The following DNAH10 variants were observed in gnomAD, a reference collection of about 807,000 sequenced individuals.
The protein encoded by DNAH10 is axonemal beta dynein heavy chain 10.
In DNAH10, 348 loss-of-function variants were observed where a neutral mutation model predicts 506.6. The observed-to-expected ratio is 0.69, with a 90% CI of 0.63 to 0.75. The LOEUF (loss-of-function observed/expected upper bound fraction) is 0.75, where lower values mean the gene tolerates loss of function less well. Ranked by LOEUF, DNAH10 falls within the 30% of genes least tolerant of loss-of-function variation. DNAH10 has a pLI of 0.00. For synonymous variants in DNAH10, 2,059 were observed against 2,198.6 expected (o/e 0.94, Z 1.78); for missense variants, 5,179 against 5,787.1 (o/e 0.89, Z 3.41).
At chr12:123,894,260 A>AT (rs974597201) in intron 53 of DNAH10, among the ~76,000 whole-genome samples, 15 of 146,242 alleles carry the variant, frequency 1.0e-4, no homozygotes, top group East Asian at 4.0e-4. Context: ...TGCCTGGCTG[A>AT]TTTTTTTTTT....
rs749608918 is a variant in DNAH10 at position 123,853,172 on chromosome 12, CT to C, written c.6292-25del. 2.0e-4 allele frequency: 290 copies of C among 1,482,882 alleles called. No homozygotes were observed. The highest frequency in any genetic ancestry group is 7.6e-4 in the South Asian group (56 of 73,624). The allele number at this position is 1,482,882 out of a possible 1,614,324, so 91.9% of individuals were successfully genotyped here. On this transcript the variant is annotated intron_variant, in intron 35 of 78. Coordinates refer to ENST00000673944, the MANE Select transcript of DNAH10 (RefSeq NM_001372106.1). This position sits in a 1 kb window ranked among gnomAD's most constrained non-coding sequence, Gnocchi z 4.7. ...TTGCTTTTGAATCATTTTCTTTTTT[CT>C]TTTTTTTTGTATTATTATCTTCTAT...
chr12:123,841,484 A>G lies in DNAH10; in HGVS notation c.5299A>G (p.Arg1767Gly), dbSNP rs748875680. ...GATGACGGCAGTTTTGAATGAGATGAGAAGAACTAATAGACTAATTACCAA... is the reference window on the plus strand; with the variant it reads ...GATGACGGCAGTTTTGAATGAGATGGGAAGAACTAATAGACTAATTACCAA... ...DWMTAVLNEM[R>G]RTNRLITKEA... Residue 1767 changes from arginine (R) to glycine (G), a missense_variant, in exon 30 of 79, where the codon AGA (arginine) becomes GGA (glycine). This residue lies in a region of DNAH10 where 4,844 missense variants were observed against 5,430.5 expected (regional missense o/e 0.89). Coordinates refer to ENST00000673944, the MANE Select transcript of DNAH10 (RefSeq NM_001372106.1). 5 of 1,613,854 alleles carry G rather than the reference A, an allele frequency of 3.1e-6. No individual in the cohort carries two copies. The African/African-American group carries it at 6.7e-5, about 22-fold the overall frequency.
chr12:123,878,793 G>A (rs1952372844), intron 48 of DNAH10, among the ~76,000 whole-genome samples: 1 of 152,188 alleles, frequency 6.6e-6, no homozygotes, highest in South Asian at 2.1e-4. Flanking sequence ...CAGCCACTTG[G>A]GAGGCTGAGG....
At position 123,845,951 on chromosome 12, in the gene DNAH10, C is replaced by T; in HGVS notation, c.5631-20C>T. The T allele has an allele frequency of 6.2e-7, 1 of 1,613,394 alleles. No individual in the cohort carries two copies. Among genetic ancestry groups the T allele is most frequent in the Non-Finnish European group, 8.5e-7 (1 of 1,179,416 alleles). ...TCTGTCTCAACGGTTTCCACTTCCT[C>T]CACCTTTCTTGCCGTCCAGTATCCT... On this transcript the variant is annotated intron_variant, in intron 31 of 78. Transcript: ENST00000673944.
In DNAH10 at chr12:123,873,592, C is replaced by T. The variant is rs372531069; in HGVS notation, c.7820C>T (p.Thr2607Met). The change falls in exon 46 of 79, where the codon ACG (threonine) becomes ATG (methionine). Residue 2607 changes from threonine (T) to methionine (M), a missense_variant. Physicochemically the swap from Thr to Met is moderately conservative, Grantham distance 81. Coordinates refer to ENST00000673944, the MANE Select transcript of DNAH10 (RefSeq NM_001372106.1). ...VLMVNFSSRT[T>M]SMDIQRNLEA... ...ATGGTCAACTTCTCCTCCCGCACCA[C>T]GTCCATGGATATCCAAAGAAATTTA... The T allele has an allele frequency of 1.2e-5, 20 of 1,613,434 alleles. No homozygotes were observed. The highest frequency in any genetic ancestry group is 5.0e-5 in the Admixed American group (3 of 59,914).
intron 2 of DNAH10, among the ~76,000 whole-genome samples, chr12:123,771,206 G>T (rs1287864061): frequency 2.6e-5 from 4 of 152,136 alleles, no homozygotes; most frequent in Non-Finnish European, 4.4e-5. Flanking sequence ...CTGACATCAA[G>T]TGATCCACCC....
At chr12:123,934,821 A>C in intron 78 of DNAH10, 55 bp downstream of exon 78, 1 of 1,605,176 alleles carries the variant, frequency 6.2e-7, no homozygotes, top group Non-Finnish European at 8.5e-7. Context: ...TTCTGACTGT[A>C]GTTATGGCTG....
rs1682413212 is a variant in DNAH10 at position 123,879,765 on chromosome 12, C to T, written c.8598C>T (p.Asp2866=). 1 of 1,614,036 alleles carries T rather than the reference C, an allele frequency of 6.2e-7. No homozygotes were observed. The highest frequency in any genetic ancestry group is 1.3e-5 in the African/African-American group (1 of 75,052). ...LHEGEPRIYE[D]IQDYEAAKAL... ...AAGGAGAACCACGCATTTATGAAGA[C>T]ATCCAGGACTACGAGGCGGCCAAGG... The change falls in exon 50 of 79, where the codon GAC becomes GAT. Residue 2866 remains aspartate, a synonymous_variant. Transcript: ENST00000673944.
chr12:123,868,500 T>A (rs564980377), intron 43 of DNAH10, among the ~76,000 whole-genome samples: 1 of 152,344 alleles, frequency 6.6e-6, no homozygotes, highest in Middle Eastern at 3.4e-3. Flanking sequence ...TTTCACCATA[T>A]CATTCATCTG....
At chr12:123,817,358 C>G (rs1959169421) in intron 21 of DNAH10, among the ~76,000 whole-genome samples, 1 of 151,974 alleles carries the variant, frequency 6.6e-6, no homozygotes, top group East Asian at 1.9e-4. Context: ...CTACAATACC[C>G]TGTACATCTT....
intron 44 of DNAH10, 46 bp from the exon 45 acceptor site, chr12:123,871,411 C>A: frequency 2.6e-6 from 4 of 1,566,682 alleles, no homozygotes; most frequent in Non-Finnish European, 3.5e-6. Flanking sequence ...CAGTGCTCAC[C>A]CTATTGGAGT....
chr12:123,872,466 G>A (rs371817841), intron 45 of DNAH10, among the ~76,000 whole-genome samples: 4 of 152,138 alleles, frequency 2.6e-5, no homozygotes, highest in African/African-American at 9.7e-5. Context: ...GTGCTCATCA[G>A]CCCAGCCAGG....
intron 11 of DNAH10, 25 bp downstream of exon 11, chr12:123,790,146 A>G (rs1481656934): frequency 1.2e-6 from 2 of 1,605,060 alleles, no homozygotes; most frequent in Non-Finnish European, 1.7e-6. Flanking sequence ...CATTGAGTCC[A>G]TCTTGGGAGT....
At chr12:123,826,550 T>C in intron 24 of DNAH10, 137 bp from the exon 25 acceptor site, 1 of 672,188 alleles carries the variant, frequency 1.5e-6, no homozygotes, top group Non-Finnish European at 2.3e-6. Flanking sequence ...ACCTCTTGTT[T>C]GTGAATTTCA....
chr12:123,843,327 A>G (rs1950834793), intron 30 of DNAH10, among the ~76,000 whole-genome samples: 1 of 151,944 alleles, frequency 6.6e-6, no homozygotes, highest in Admixed American at 6.6e-5. Flanking sequence ...TGGTCATTTA[A>G]TCTTCTCTGA....
rs1039155601 is a variant in DNAH10, at chr12:123,864,795, G to A, written c.7044+65G>A. On this transcript the variant is annotated intron_variant, in intron 40 of 78. Transcript: ENST00000673944. ...CTTGTAATTAAAAATGCAAATGTTT[G>A]TTAAAGTAGTAGTAAATGTAGATGA... 5 of 1,521,148 alleles carry A rather than the reference G, an allele frequency of 3.3e-6. No homozygotes were observed. The African/African-American group carries it at 4.2e-5, about 13-fold the overall frequency. 94.2% of individuals were successfully genotyped at this position (1,521,148 alleles called of 1,614,324 possible).
intron 30 of DNAH10, among the ~76,000 whole-genome samples, chr12:123,845,290 G>A (rs1158001882): frequency 6.6e-6 from 1 of 152,120 alleles, no homozygotes; most frequent in Non-Finnish European, 1.5e-5. Flanking sequence ...GAGCTACCAC[G>A]ACTGGCCCCA....
chr12:123,913,127 C>T lies in DNAH10; in HGVS notation c.10164C>T (p.Leu3388=). The change falls in exon 60 of 79, where the codon CTC becomes CTT. Residue 3388 remains leucine, a synonymous_variant. Coordinates refer to ENST00000673944, the MANE Select transcript of DNAH10 (RefSeq NM_001372106.1). This position sits in a 1 kb window ranked among gnomAD's most constrained non-coding sequence, Gnocchi z 5.1. ...CCAGGCTGGAGCGGAATTTTTACCT[C>T]ACTAAACGGGAACTGGAAAGGATCC... ...KVARLERNFY[L]TKRELERIQN... The T allele has an allele frequency of 1.2e-6, 2 of 1,611,508 alleles. No individual in the cohort carries two copies. Among genetic ancestry groups the T allele is most frequent in the Non-Finnish European group, 1.7e-6 (2 of 1,179,232 alleles).
At position 123,877,791 on chromosome 12, in the gene DNAH10, C is replaced by T. The variant is rs1952325124; in HGVS notation, c.8255C>T (p.Ala2752Val). 3 of 1,613,824 alleles carry T rather than the reference C, an allele frequency of 1.9e-6. No individual in the cohort carries two copies. The highest frequency in any genetic ancestry group is 2.5e-6 in the Non-Finnish European group (3 of 1,179,898). Residue 2752 changes from alanine (A) to valine (V), a missense_variant, in exon 48 of 79, where the codon GCA becomes GTA. By Grantham distance (64) the Ala-to-Val change is moderately conservative (BLOSUM62 0). Around this residue, in one of 3 missense-constraint regions of DNAH10, gnomAD observed 4,844 missense variants for 5,430.5 expected, o/e 0.89. Transcript: ENST00000673944. ...GGCAAGCTGACATTCTGCACGCTAG[C>T]ACTTTACAAAAATATTGTGCAAGAC... ...VSGKLTFCTL[A>V]LYKNIVQDLP... is the part of the protein sequence containing the mutation.
Sources: allele counts gnomAD v4.1 joint callset (sites outside exome capture counted in the v4.1 genomes callset), GRCh38; gene constraint gnomAD v4.1.1; regional missense constraint gnomAD v4.1.1; non-coding constraint Gnocchi (gnomAD v3.1); transcripts MANE v1.5; gene names NCBI Gene and HGNC (gene_info 2026-07-23, HGNC 2026-07-21).